The following TDRD7 variants were observed in gnomAD, a reference collection of about 807,000 sequenced individuals.
TDRD7 encodes the protein tudor domain-containing protein 7.
Under a neutral mutation model 109.8 loss-of-function variants are expected in TDRD7, and 47 were observed. That is an observed-to-expected ratio of 0.43 (90% CI 0.34 to 0.55). The LOEUF is 0.55. Ranked by LOEUF, TDRD7 falls within the 20% of genes least tolerant of loss-of-function variation. The pLI is 0.03. For missense variants in TDRD7, 1,164 were observed against 1,319.2 expected, an observed-to-expected ratio of 0.88 and a Z score of 1.82; for synonymous variants, 424 against 457.3, an observed-to-expected ratio of 0.93 and a Z score of 0.93.
At chr9:97,440,245 A>T (rs1056876742) in intron 5 of TDRD7, among the ~76,000 whole-genome samples, 1 of 152,216 alleles carries the variant, frequency 6.6e-6, no homozygotes, top group Non-Finnish European at 1.5e-5. Flanking sequence ...GGAGGATTGC[A>T]GTTCACCTGG....
At chr9:97,416,376 C>T (rs1449974747) in intron 1 of TDRD7, among the ~76,000 whole-genome samples, 1 of 152,166 alleles carries the variant, frequency 6.6e-6, no homozygotes, top group Non-Finnish European at 1.5e-5. Flanking sequence ...TTGCAGTATC[C>T]ATTGGTCAAT....
chr9:97,465,055 A>G, intron 8 of TDRD7, 27 bp downstream of exon 8: 1 of 1,605,436 alleles, frequency 6.2e-7, no homozygotes, highest in Non-Finnish European at 8.5e-7. Flanking sequence ...TTGTCATAGC[A>G]TTATGGATAC....
intron 1 of TDRD7, among the ~76,000 whole-genome samples, chr9:97,421,698 TTGTGTGTGTGTGTGTGTGTGTG>T (rs59218055): frequency 2.7e-4 from 39 of 142,960 alleles, no homozygotes; most frequent in Admixed American, 1.7e-3. Flanking sequence ...TGCCCAGCTT[TTGTGTGTGTGTGTGTGTGTGTG>T]TGTGTGTGTG....
chr9:97,469,648 T>C (rs1186545642), intron 8 of TDRD7, among the ~76,000 whole-genome samples: 1 of 152,224 alleles, frequency 6.6e-6, no homozygotes, highest in African/African-American at 2.4e-5. Flanking sequence ...TCAATAACCA[T>C]CATCTCCTTT....
chr9:97,444,764 A>C (rs1236546790), intron 6 of TDRD7, among the ~76,000 whole-genome samples: 1 of 152,214 alleles, frequency 6.6e-6, no homozygotes, highest in Non-Finnish European at 1.5e-5. Flanking sequence ...TTGAAAAATA[A>C]AGTTATAAGA....
intron 6 of TDRD7, among the ~76,000 whole-genome samples, chr9:97,455,824 G>T (rs960184910): frequency 6.6e-6 from 1 of 152,084 alleles, no homozygotes; most frequent in African/African-American, 2.4e-5. Flanking sequence ...TTCTGGCCAG[G>T]GCAATCAGGC....
At chr9:97,489,621 T>C (rs7869553) in intron 16 of TDRD7, among the ~76,000 whole-genome samples, 172 of 152,318 alleles carry the variant, frequency 1.1e-3, no homozygotes, top group African/African-American at 4.0e-3. Flanking sequence ...TTTTAATTGG[T>C]GTATTTAGAC....
At chr9:97,416,050 T>A (rs965175677) in intron 1 of TDRD7, among the ~76,000 whole-genome samples, 7 of 152,216 alleles carry the variant, frequency 4.6e-5, no homozygotes, top group Non-Finnish European at 1.0e-4. Context: ...GAAATCAGAC[T>A]GGCAAGTCGT....
intron 12 of TDRD7, 65 bp from the exon 13 acceptor site, chr9:97,478,374 T>G: frequency 6.3e-7 from 1 of 1,589,232 alleles, no homozygotes; most frequent in South Asian, 1.1e-5. Flanking sequence ...CAAAATGTAA[T>G]TGCACAGAAG....
intron 16 of TDRD7, among the ~76,000 whole-genome samples, chr9:97,487,956 C>G (rs1829240509): frequency 6.6e-6 from 1 of 152,100 alleles, no homozygotes; most frequent in Non-Finnish European, 1.5e-5. Context: ...AGTGAGTTTC[C>G]AGTTTGCAGC....
intron 1 of TDRD7, among the ~76,000 whole-genome samples, chr9:97,427,923 A>G (rs1375964512): frequency 6.6e-6 from 1 of 152,150 alleles, no homozygotes; most frequent in African/African-American, 2.4e-5. Context: ...AATATCCCTA[A>G]GGCCCCCGTT....
chr9:97,413,934 C>G (rs952875792), intron 1 of TDRD7, among the ~76,000 whole-genome samples: 1 of 152,162 alleles, frequency 6.6e-6, no homozygotes, highest in East Asian at 1.9e-4. Flanking sequence ...CCTTGCAGAA[C>G]CCCTCTTTTA....
chr9:97,488,969 T>C (rs901470014), intron 16 of TDRD7, among the ~76,000 whole-genome samples: 1 of 152,258 alleles, frequency 6.6e-6, no homozygotes, highest in African/African-American at 2.4e-5. Context: ...CAGCTATCTT[T>C]CTGTTACTGA....
chr9:97,422,088 C>A (rs1827909432), intron 1 of TDRD7, among the ~76,000 whole-genome samples: 2 of 152,124 alleles, frequency 1.3e-5, no homozygotes, highest in South Asian at 4.1e-4. Flanking sequence ...ATTTCCTTAG[C>A]ATCTTTGTTA....
At chr9:97,468,340 C>T (rs1268277121) in intron 8 of TDRD7, among the ~76,000 whole-genome samples, 1 of 152,214 alleles carries the variant, frequency 6.6e-6, no homozygotes, top group East Asian at 1.9e-4. Flanking sequence ...AGAGTGGTGT[C>T]ACAGAAGCCA....
intron 16 of TDRD7, among the ~76,000 whole-genome samples, chr9:97,489,087 T>G (rs1486996423): frequency 6.6e-6 from 1 of 152,222 alleles, no homozygotes; most frequent in Non-Finnish European, 1.5e-5. Context: ...GAATGTTCCA[T>G]GTGAGCTTGA....
intron 16 of TDRD7, among the ~76,000 whole-genome samples, chr9:97,489,687 T>G (rs1416807192): frequency 6.6e-6 from 1 of 152,160 alleles, no homozygotes; most frequent in East Asian, 1.9e-4. Context: ...CCATATTTGT[T>G]ACTGTTTTCT....
chr9:97,432,008 T>C lies in TDRD7; in HGVS notation c.350-17T>C, dbSNP rs770712552. 1 of 1,612,110 alleles carries C rather than the reference T, an allele frequency of 6.2e-7. No individual in the cohort carries two copies. Among genetic ancestry groups the C allele is most frequent in the Non-Finnish European group, 8.5e-7 (1 of 1,178,326 alleles). On this transcript the variant is annotated splice_polypyrimidine_tract_variant and intron_variant, in intron 3 of 16. Coordinates refer to ENST00000355295, the MANE Select transcript of TDRD7 (RefSeq NM_014290.3). Reference sequence around the variant, plus strand: ...GGGGATGCTAATTGATTTCGTTATGTATGCCTAACTTCATAGGAAAACCAA... The same window carrying C: ...GGGGATGCTAATTGATTTCGTTATGCATGCCTAACTTCATAGGAAAACCAA...
chr9:97,493,761 CAG>C (rs1342084554), intron 16 of TDRD7, among the ~76,000 whole-genome samples: 2 of 152,186 alleles, frequency 1.3e-5, no homozygotes, highest in Admixed American at 1.3e-4. Flanking sequence ...GGCCTACCCT[CAG>C]GGACGCATTC....
Sources: allele counts gnomAD v4.1 joint callset (sites outside exome capture counted in the v4.1 genomes callset), GRCh38; gene constraint gnomAD v4.1.1; transcripts MANE v1.5; gene names NCBI Gene and HGNC (gene_info 2026-07-23, HGNC 2026-07-21).